The following ACTR3C variants were observed in gnomAD, a reference collection of about 807,000 sequenced individuals.
ACTR3C encodes actin related protein 3C.
Under a neutral mutation model 26.3 loss-of-function variants are expected in ACTR3C, and 18 were observed. That is an observed-to-expected ratio of 0.68 (90% CI 0.47 to 1.01). The LOEUF is 1.01. Ranked by LOEUF, ACTR3C falls within the 50% of genes least tolerant of loss-of-function variation. ACTR3C has a pLI of 0.00. For missense variants in ACTR3C, 184 were observed against 250.7 expected (o/e 0.73, Z 1.80); for synonymous variants, 55 against 94.5 (o/e 0.58, Z 2.42).
At chr7:149,980,793 A>G in the ACTR3C span, among the ~76,000 whole-genome samples, 38 of 152,352 alleles carry the variant, frequency 2.5e-4, no homozygotes, top group African/African-American at 9.1e-4. Flanking sequence ...AGACCTTGTG[A>G]CTACTGAATG....
the ACTR3C span, among the ~76,000 whole-genome samples, chr7:150,096,700 C>T: frequency 1.3e-5 from 2 of 151,840 alleles, no homozygotes; most frequent in Non-Finnish European, 2.9e-5. Context: ...TTCATGGTTC[C>T]CTTTACTTAC....
At chr7:150,264,862 T>A (rs1269538489) in intron 6 of ACTR3C, 11 of 983,328 alleles carry the variant, frequency 1.1e-5, no homozygotes, top group Non-Finnish European at 1.3e-5. Flanking sequence ...ACAGGCTTTT[T>A]CTGTTGACTT....
chr7:150,037,110 G>C, the ACTR3C span, among the ~76,000 whole-genome samples: 7 of 109,290 alleles, frequency 6.4e-5, no homozygotes, highest in African/African-American at 2.2e-4. Context: ...AGAGCCAGGG[G>C]GGGAAGAGGG....
chr7:150,036,849 G>C, the ACTR3C span, among the ~76,000 whole-genome samples: 2,776 of 122,454 alleles, frequency 0.023, 184 homozygotes, highest in African/African-American at 0.077. Context: ...AGCAACGATG[G>C]GGGGTCCTAA....
At chr7:149,954,066 A>G in the ACTR3C span, among the ~76,000 whole-genome samples, 1 of 144,268 alleles carries the variant, frequency 6.9e-6, no homozygotes, top group Non-Finnish European at 1.5e-5. Context: ...TGAAGTTTTT[A>G]TGTAATTTTT....
chr7:149,939,470 T>C, the ACTR3C span, among the ~76,000 whole-genome samples: 1 of 152,160 alleles, frequency 6.6e-6, no homozygotes, highest in African/African-American at 2.4e-5. Context: ...TGTGCATACA[T>C]TACTTTGAAA....
At chr7:149,981,932 A>C in the ACTR3C span, among the ~76,000 whole-genome samples, 1 of 152,184 alleles carries the variant, frequency 6.6e-6, no homozygotes, top group African/African-American at 2.4e-5. Context: ...TCCTTCCTCC[A>C]CTGCTGCCTC....
the ACTR3C span, chr7:150,040,388 A>C: frequency 6.7e-6 from 1 of 148,240 alleles, no homozygotes; most frequent in Non-Finnish European, 1.5e-5. Flanking sequence ...TGGGGCTGCC[A>C]GAAGTTTTTC....
chr7:150,194,001 C>G, the ACTR3C span, among the ~76,000 whole-genome samples: 6 of 148,872 alleles, frequency 4.0e-5, no homozygotes, highest in African/African-American at 7.4e-5. Flanking sequence ...GACACACACA[C>G]ACACACACAC....
the ACTR3C span, among the ~76,000 whole-genome samples, chr7:150,166,920 C>T: frequency 3.6e-4 from 54 of 150,200 alleles, 3 homozygotes; most frequent in African/African-American, 1.1e-3. Context: ...TTTTTGTGCC[C>T]GGTTTATTTC....
the ACTR3C span, among the ~76,000 whole-genome samples, chr7:150,110,427 A>AGG: frequency 5.7e-5 from 6 of 105,504 alleles, no homozygotes; most frequent in African/African-American, 7.8e-5. Flanking sequence ...GCAAGGCTGG[A>AGG]AGCAGGTGGG....
the ACTR3C span, among the ~76,000 whole-genome samples, chr7:150,151,469 T>C: frequency 7.3e-6 from 1 of 137,402 alleles, no homozygotes; most frequent in African/African-American, 2.5e-5. Flanking sequence ...GAACTTCGGT[T>C]ATAATGAAAC....
the ACTR3C span, among the ~76,000 whole-genome samples, chr7:150,126,964 C>T: frequency 3.9e-5 from 6 of 152,178 alleles, no homozygotes; most frequent in Admixed American, 2.6e-4. Context: ...AGCTTCTACA[C>T]TAAAAATGAA....
chr7:150,296,202 G>A (rs1584955045), intron 1 of ACTR3C, among the ~76,000 whole-genome samples: 1 of 147,116 alleles, frequency 6.8e-6, no homozygotes, highest in Non-Finnish European at 1.5e-5. Flanking sequence ...AAATTTAAAA[G>A]TCAGCCAAGT....
At chr7:150,219,696 C>T in the ACTR3C span, among the ~76,000 whole-genome samples, 2 of 141,340 alleles carry the variant, frequency 1.4e-5, no homozygotes, top group Non-Finnish European at 3.0e-5. Context: ...CGCCCACTCC[C>T]CTTTCTCTGA....
chr7:150,257,702 G>T (rs1220090976), intron 6 of ACTR3C, among the ~76,000 whole-genome samples: 3 of 152,184 alleles, frequency 2.0e-5, no homozygotes, highest in Non-Finnish European at 4.4e-5. Flanking sequence ...TGCCCAAATT[G>T]CCCTGTCAGA....
At chr7:150,199,376 A>G in the ACTR3C span, among the ~76,000 whole-genome samples, 3 of 116,936 alleles carry the variant, frequency 2.6e-5, no homozygotes, top group East Asian at 6.8e-4. Flanking sequence ...GCGGTGCAAG[A>G]TGTGCTTTGT....
rs552771921 is a variant in ACTR3C at position 150,272,343 on chromosome 7, T to G, written c.564+12410A>C. Among the ~76,000 whole-genome samples, 11 of 139,682 alleles carry G rather than the reference T, an allele frequency of 7.9e-5. 3 individuals are homozygous for G. In the East Asian group the frequency reaches 2.1e-3, roughly 26 times the overall value. 91.6% of individuals were successfully genotyped at this position (139,682 alleles called of 152,430 possible). A position where few individuals can be genotyped will look rare whatever the true frequency, so the allele number is the denominator to read the frequency against. ...ATTTTCTTAGTACCCCTTCTCTAACTTTAGCTAGCTTGCTTGCATCAAAGT... is the reference window on the plus strand; with the variant it reads ...ATTTTCTTAGTACCCCTTCTCTAACGTTAGCTAGCTTGCTTGCATCAAAGT... On this transcript the variant is annotated intron_variant, in intron 6 of 7. Transcript: ENST00000683684.
At chr7:150,113,411 A>C in the ACTR3C span, among the ~76,000 whole-genome samples, 1 of 151,428 alleles carries the variant, frequency 6.6e-6, no homozygotes, top group African/African-American at 2.4e-5. Context: ...TTCTATGACT[A>C]CACAAACCAT....
Sources: gnomAD v4.1 joint callset for allele counts (sites outside exome capture counted in the v4.1 genomes callset) on GRCh38, gnomAD v4.1.1 for gene constraint, MANE v1.5 for transcripts, NCBI Gene and HGNC (gene_info 2026-07-23, HGNC 2026-07-21) for gene names.